The following ZSCAN25 variants were observed in gnomAD, a reference collection of about 807,000 sequenced individuals.
The protein encoded by ZSCAN25 is zinc finger and SCAN domain-containing protein 25.
ZSCAN25 carries 27 observed loss-of-function variants against 38.7 expected under a neutral mutation model. The ratio of observed to expected loss-of-function variants is 0.70; its 90% CI spans 0.51 to 0.96. ZSCAN25 has a LOEUF of 0.96. Among genes scored for constraint, ZSCAN25 ranks in the 40% least tolerant of loss-of-function variants. The probability of loss-of-function intolerance (pLI) is 0.00; values close to 1 mark genes in which losing one functional copy is unlikely to be tolerated. For synonymous variants in ZSCAN25, 273 were observed against 277.7 expected (o/e 0.98, Z 0.17); for missense variants, 637 against 705.9 (o/e 0.90, Z 1.11).
chr7:99,624,316 C>G (rs1807270950), intron 7 of ZSCAN25, 136 bp downstream of exon 7: 1 of 1,049,984 alleles, frequency 9.5e-7, no homozygotes, highest in Admixed American at 2.3e-5. Flanking sequence ...CAGCACGGAC[C>G]ATGGGGCACG....
chr7:99,624,515 T>C (rs1418520173), intron 7 of ZSCAN25: 1 of 290,816 alleles, frequency 3.4e-6, no homozygotes, highest in East Asian at 6.7e-5. Flanking sequence ...TCTGAGCTTG[T>C]TCAGATATTT....
chr7:99,679,077 C>T, the ZSCAN25 span, among the ~76,000 whole-genome samples: 4 of 152,192 alleles, frequency 2.6e-5, no homozygotes, highest in Non-Finnish European at 5.9e-5. Flanking sequence ...CTATATTAAT[C>T]CTAGCCTCCC....
chr7:99,700,404 C>T, the ZSCAN25 span, among the ~76,000 whole-genome samples: 5 of 152,218 alleles, frequency 3.3e-5, no homozygotes, highest in African/African-American at 1.2e-4. Flanking sequence ...TTCCAGAATA[C>T]TTGAAATCCA....
the ZSCAN25 span, among the ~76,000 whole-genome samples, chr7:99,707,371 T>G: frequency 9.8e-4 from 149 of 152,316 alleles, no homozygotes; most frequent in Middle Eastern, 3.4e-3. Context: ...GCATCATGAA[T>G]TTTTAAAGCT....
rs1240121475 is a variant in ZSCAN25, at chr7:99,629,954, C to T, written c.1569C>T (p.Phe523=). The part of the protein sequence containing the change: ...PYHCPACGRS[F]NQRSILNRHQ... ...ACTGTCCTGCCTGCGGGCGAAGCTT[C>T]AACCAGAGGTCCATCCTCAACCGGC... is the stretch of plus-strand genomic sequence containing the variant. Residue 523 remains phenylalanine, a synonymous_variant, in exon 8 of 8, where the codon TTC becomes TTT. Coordinates refer to ENST00000394152, the MANE Select transcript of ZSCAN25 (RefSeq NM_145115.3). The surrounding 1 kb of genome is among the most constrained non-coding windows in gnomAD (Gnocchi z 5.6). 1 of 1,612,054 alleles carries T rather than the reference C, an allele frequency of 6.2e-7. No individual in the cohort carries two copies. The highest frequency in any genetic ancestry group is 2.2e-5 in the East Asian group (1 of 44,818).
At chr7:99,638,689 T>C in the ZSCAN25 span, 3 of 1,502,256 alleles carry the variant, frequency 2.0e-6, no homozygotes, top group Non-Finnish European at 2.8e-6. Context: ...GATTGTTGTC[T>C]TGCCGGCCGC....
the ZSCAN25 span, among the ~76,000 whole-genome samples, chr7:99,737,526 A>G: frequency 1.3e-5 from 2 of 152,176 alleles, no homozygotes; most frequent in African/African-American, 4.8e-5. Context: ...GGTGCACAGA[A>G]CACATTCTGA....
the ZSCAN25 span, among the ~76,000 whole-genome samples, chr7:99,712,634 A>T: frequency 4.6e-5 from 7 of 152,204 alleles, no homozygotes; most frequent in Non-Finnish European, 8.8e-5. Flanking sequence ...AGATAAATAG[A>T]TGATTGATGG....
the ZSCAN25 span, among the ~76,000 whole-genome samples, chr7:99,644,118 C>T: frequency 6.6e-6 from 1 of 152,136 alleles, no homozygotes; most frequent in Non-Finnish European, 1.5e-5. Context: ...TCGTCCTTGT[C>T]ATCATTGTCA....
At chr7:99,640,456 C>T in the ZSCAN25 span, among the ~76,000 whole-genome samples, 3 of 152,194 alleles carry the variant, frequency 2.0e-5, no homozygotes, top group East Asian at 5.8e-4. Context: ...CCGCACCTGG[C>T]CTCTCCCTTA....
the ZSCAN25 span, among the ~76,000 whole-genome samples, chr7:99,737,427 C>G: frequency 6.6e-6 from 1 of 152,058 alleles, no homozygotes; most frequent in South Asian, 2.1e-4. Flanking sequence ...CAAAGGACTC[C>G]ATCTCAGCAG....
At chr7:99,658,536 T>C in the ZSCAN25 span, among the ~76,000 whole-genome samples, 1 of 152,148 alleles carries the variant, frequency 6.6e-6, no homozygotes, top group African/African-American at 2.4e-5. Context: ...ATTTCAACTT[T>C]GGTGAATCTG....
chr7:99,663,097 T>A, the ZSCAN25 span: 2 of 1,282,842 alleles, frequency 1.6e-6, no homozygotes, highest in African/African-American at 3.0e-5. Flanking sequence ...AGCTATCATG[T>A]CCAATTGCTT....
the ZSCAN25 span, among the ~76,000 whole-genome samples, chr7:99,644,046 T>G: frequency 1.3e-5 from 2 of 151,946 alleles, no homozygotes; most frequent in African/African-American, 4.8e-5. Context: ...ACAAAGGGAA[T>G]GGGTTAAGGC....
chr7:99,667,650 T>C, the ZSCAN25 span, among the ~76,000 whole-genome samples: 1 of 152,232 alleles, frequency 6.6e-6, no homozygotes, highest in African/African-American at 2.4e-5. Context: ...GGATAATTAC[T>C]TTTCCCAACT....
the ZSCAN25 span, among the ~76,000 whole-genome samples, chr7:99,668,888 G>A: frequency 6.6e-6 from 1 of 152,146 alleles, no homozygotes; most frequent in Non-Finnish European, 1.5e-5. Flanking sequence ...AGGTGTGTTT[G>A]TGGCAATTTG....
At chr7:99,619,464 G>C in intron 3 of ZSCAN25, 97 bp from the exon 4 acceptor site, 1 of 1,024,690 alleles carries the variant, frequency 9.8e-7, no homozygotes, top group Non-Finnish European at 1.4e-6. Flanking sequence ...AAAATGCCTT[G>C]TAAAAGGTAA....
intron 7 of ZSCAN25, chr7:99,624,413 C>T (rs553610578): frequency 1.1e-4 from 60 of 547,162 alleles, no homozygotes; most frequent in African/African-American, 1.0e-3. Context: ...GGAGACAGGT[C>T]GGTCATGAGG....
the ZSCAN25 span, chr7:99,676,465 A>G: frequency 4.9e-6 from 7 of 1,430,602 alleles, no homozygotes; most frequent in African/African-American, 8.5e-5. Flanking sequence ...TGAATACTTG[A>G]TAAATGTCCT....
Sources: allele counts gnomAD v4.1 joint callset (sites outside exome capture counted in the v4.1 genomes callset), GRCh38; gene constraint gnomAD v4.1.1; non-coding constraint Gnocchi (gnomAD v3.1); transcripts MANE v1.5; gene names NCBI Gene and HGNC (gene_info 2026-07-23, HGNC 2026-07-21).